Variants in ZDHHC21 observed in about 807,000 individuals in gnomAD.
ZDHHC21 encodes palmitoyltransferase ZDHHC21.
In ZDHHC21, 15 loss-of-function variants were observed where a neutral mutation model predicts 34.6. That is an observed-to-expected ratio of 0.43 (90% CI 0.29 to 0.67). The LOEUF (loss-of-function observed/expected upper bound fraction) is 0.67. Ranked by LOEUF, ZDHHC21 falls within the 30% of genes least tolerant of loss-of-function variation. ZDHHC21 has a pLI of 0.14. For missense variants in ZDHHC21, 344 were observed against 327.7 expected, an observed-to-expected ratio of 1.05 and a Z score of -0.38; for synonymous variants, 142 against 101.8, an observed-to-expected ratio of 1.40 and a Z score of -2.38.
intron 5 of ZDHHC21, 70 bp downstream of exon 5, chr9:14,672,760 G>A: frequency 9.8e-7 from 1 of 1,020,610 alleles, no homozygotes; most frequent in African/African-American, 1.6e-5. Context: ...ATATATTAAA[G>A]GCAATAAAAT....
chr9:14,673,348 A>G (rs1227821778), intron 4 of ZDHHC21, among the ~76,000 whole-genome samples: 2 of 152,196 alleles, frequency 1.3e-5, no homozygotes, highest in Non-Finnish European at 2.9e-5. Context: ...ACTCTGAATT[A>G]GTGATGTTCA....
chr9:14,639,943 C>G lies in ZDHHC21; in HGVS notation c.574G>C (p.Val192Leu), dbSNP rs1474471992. 1 of 1,608,524 alleles carries G rather than the reference C, an allele frequency of 6.2e-7. No individual in the cohort carries two copies. The highest frequency in any genetic ancestry group is 8.5e-7 in the Non-Finnish European group (1 of 1,176,804). ...GTGTAAAAGAGTCCAGTTATTCCAA[C>G]TAACATAGTAATGCCCATAAAGGCT... Reference protein sequence around the residue: ...LAAFMGITMLVGITGLFYTQL... With the variant: ...LAAFMGITMLLGITGLFYTQL... The change falls in exon 8 of 10, where the codon GTT (valine) becomes CTT (leucine). Residue 192 changes from valine to leucine, a missense_variant. Physicochemically the swap from Val to Leu is conservative, Grantham distance 32 (BLOSUM62 1). Transcript: ENST00000380916.
chr9:14,641,177 G>GTAT (rs1204781072), intron 7 of ZDHHC21, among the ~76,000 whole-genome samples: 1 of 152,130 alleles, frequency 6.6e-6, no homozygotes, highest in Non-Finnish European at 1.5e-5. Flanking sequence ...TTTTCTGTGT[G>GTAT]TATTATATTG....
intron 1 of ZDHHC21, among the ~76,000 whole-genome samples, chr9:14,691,539 G>T (rs1046340653): frequency 6.6e-6 from 1 of 152,188 alleles, no homozygotes; most frequent in African/African-American, 2.4e-5. Context: ...TCTTGTCTCA[G>T]AACTTCCTGT....
Position 14,614,132 on chromosome 9 carries a change from CTG to C in ZDHHC21, c.*4832_*4833del, listed in dbSNP as rs1312356356. 1 of 151,842 alleles carries C rather than the reference CTG, an allele frequency of 6.6e-6. No homozygotes were observed. Among genetic ancestry groups the C allele is most frequent in the East Asian group, 1.9e-4 (1 of 5,172 alleles). 9.4% of individuals were successfully genotyped at this position (151,842 alleles called of 1,614,324 possible). Reference sequence around the variant, plus strand: ...TGTCAGAAACTGGCTCCAGTCAACTCTGTTGCTGAGATGCTGATTATTCATGC... The same window carrying C: ...TGTCAGAAACTGGCTCCAGTCAACTCTTGCTGAGATGCTGATTATTCATGC... On this transcript the variant is annotated 3_prime_UTR_variant, in exon 10 of 10. Transcript: ENST00000380916.
At chr9:14,623,446 T>A (rs1266171674) in intron 8 of ZDHHC21, among the ~76,000 whole-genome samples, 2 of 151,976 alleles carry the variant, frequency 1.3e-5, no homozygotes, top group African/African-American at 2.4e-5. Context: ...GGAGGTTTGC[T>A]TGAGCCCAGA....
At position 14,665,150 on chromosome 9, in the gene ZDHHC21, T is replaced by C. The variant is rs1279617359; in HGVS notation, c.254-2824A>G. Among the ~76,000 whole-genome samples the C allele has an allele frequency of 7.3e-5, 10 of 136,972 alleles. No individual in the cohort carries two copies. In the East Asian group the frequency reaches 2.1e-3, roughly 29 times the overall value. The allele number at this position is 136,972 out of a possible 152,430, so 89.9% of individuals were successfully genotyped here. On this transcript the variant is annotated intron_variant, in intron 5 of 9. Coordinates refer to ENST00000380916, the MANE Select transcript of ZDHHC21 (RefSeq NM_178566.6). Reference sequence around the variant, plus strand: ...AGAATAACCAATACAGAGAAATGCTTAAAGGAGCTGATGGAGCTGAAAACC... The same window carrying C: ...AGAATAACCAATACAGAGAAATGCTCAAAGGAGCTGATGGAGCTGAAAACC...
intron 8 of ZDHHC21, among the ~76,000 whole-genome samples, chr9:14,629,414 C>T (rs1244638406): frequency 6.6e-6 from 1 of 152,132 alleles, no homozygotes; most frequent in African/African-American, 2.4e-5. Context: ...ACCTGATACA[C>T]AAAAACCATA....
intron 8 of ZDHHC21, among the ~76,000 whole-genome samples, chr9:14,623,712 A>T (rs1825722048): frequency 6.6e-6 from 1 of 152,004 alleles, no homozygotes; most frequent in Admixed American, 6.6e-5. Flanking sequence ...AGATTATAGA[A>T]ATGACCAACA....
chr9:14,594,935 T>A, the ZDHHC21 span, among the ~76,000 whole-genome samples: 1 of 152,150 alleles, frequency 6.6e-6, no homozygotes, highest in African/African-American at 2.4e-5. Context: ...ACGTTCAACA[T>A]CACTAGCCAT....
intron 2 of ZDHHC21, among the ~76,000 whole-genome samples, chr9:14,687,660 G>A (rs1160380544): frequency 6.6e-6 from 1 of 150,834 alleles, no homozygotes; most frequent in Non-Finnish European, 1.5e-5. Flanking sequence ...CAGTCTGGGT[G>A]CCAGAGTAAG....
chr9:14,669,650 TAC>T (rs1311306753), intron 5 of ZDHHC21, among the ~76,000 whole-genome samples: 1 of 143,616 alleles, frequency 7.0e-6, no homozygotes, highest in African/African-American at 2.6e-5. Context: ...GTGGCACATA[TAC>T]ACCATGGAAT....
intron 3 of ZDHHC21, among the ~76,000 whole-genome samples, chr9:14,678,236 A>C (rs928781999): frequency 2.6e-5 from 4 of 152,066 alleles, no homozygotes; most frequent in African/African-American, 9.7e-5. Context: ...AAGTGGTTTT[A>C]TATTCTTGGA....
At chr9:14,684,609 T>A (rs1837979930) in intron 2 of ZDHHC21, among the ~76,000 whole-genome samples, 1 of 151,722 alleles carries the variant, frequency 6.6e-6, no homozygotes, top group South Asian at 2.1e-4. Flanking sequence ...ATCAATATCA[T>A]GAAAATGGCC....
downstream of ZDHHC21, among the ~76,000 whole-genome samples, chr9:14,606,979 C>CT (rs1823032695): frequency 6.6e-6 from 1 of 151,374 alleles, no homozygotes; most frequent in African/African-American, 2.4e-5. Flanking sequence ...AGTACATCCT[C>CT]TGACTTGTCA....
Position 14,613,112 on chromosome 9 carries a change from C to T in ZDHHC21, c.*5854G>A, listed in dbSNP as rs1823597789. 1 of 151,532 alleles carries T rather than the reference C, an allele frequency of 6.6e-6. No homozygotes were observed. Among genetic ancestry groups the T allele is most frequent in the Admixed American group, 6.6e-5 (1 of 15,172 alleles). The allele number at this position is 151,532 out of a possible 1,614,324, so 9.4% of individuals were successfully genotyped here. On this transcript the variant is annotated 3_prime_UTR_variant, in exon 10 of 10. Transcript: ENST00000380916. Reference sequence around the variant, plus strand: ...AAAGTAGCCAAGCTATATTAAAATACAAAATTAAAATCCATACATGCCTAC... The same window carrying T: ...AAAGTAGCCAAGCTATATTAAAATATAAAATTAAAATCCATACATGCCTAC...
At chr9:14,595,084 C>T in the ZDHHC21 span, among the ~76,000 whole-genome samples, 1 of 152,104 alleles carries the variant, frequency 6.6e-6, no homozygotes, top group Non-Finnish European at 1.5e-5. Flanking sequence ...TAAAATGTGA[C>T]ATACACTTTT....
intron 7 of ZDHHC21, among the ~76,000 whole-genome samples, chr9:14,645,126 G>A (rs1259010781): frequency 6.6e-6 from 1 of 152,022 alleles, no homozygotes; most frequent in East Asian, 1.9e-4. Flanking sequence ...CACAGGGGTG[G>A]TGAGAGGAGA....
At chr9:14,637,371 C>T (rs1828494235) in intron 8 of ZDHHC21, among the ~76,000 whole-genome samples, 1 of 151,820 alleles carries the variant, frequency 6.6e-6, no homozygotes, top group African/African-American at 2.4e-5. Flanking sequence ...CTTGAACAAA[C>T]CAATAAAAAG....
Sources: gnomAD v4.1 joint callset for allele counts (sites outside exome capture counted in the v4.1 genomes callset) on GRCh38, gnomAD v4.1.1 for gene constraint, MANE v1.5 for transcripts, NCBI Gene and HGNC (gene_info 2026-07-23, HGNC 2026-07-21) for gene names.